The following BBS9 variants were observed in gnomAD, a reference collection of about 807,000 sequenced individuals.
BBS9 encodes Bardet-Biedl syndrome 9.
BBS9 carries 89 observed loss-of-function variants against 117.7 expected under a neutral mutation model. The ratio of observed to expected loss-of-function variants is 0.76; its 90% confidence interval spans 0.64 to 0.90. BBS9 has a LOEUF of 0.90. Ranked by LOEUF, BBS9 falls within the 40% of genes least tolerant of loss-of-function variation. The pLI is 0.00. For synonymous variants in BBS9, 379 were observed against 370.9 expected (o/e 1.02, Z -0.25); for missense variants, 982 against 1,042.2 (o/e 0.94, Z 0.80).
chr7:33,270,733 T>A (rs1486578247), intron 7 of BBS9, among the ~76,000 whole-genome samples: 1 of 152,166 alleles, frequency 6.6e-6, no homozygotes, highest in African/African-American at 2.4e-5. Flanking sequence ...ACTTTATGAC[T>A]CATTGGCATC....
At chr7:33,202,508 A>C (rs1786061920) in intron 5 of BBS9, among the ~76,000 whole-genome samples, 1 of 152,176 alleles carries the variant, frequency 6.6e-6, no homozygotes, top group Non-Finnish European at 1.5e-5. Context: ...TATAAAGAAA[A>C]GAGGTTTAAT....
intron 17 of BBS9, among the ~76,000 whole-genome samples, chr7:33,379,439 G>A (rs1824533217): frequency 6.6e-6 from 1 of 151,938 alleles, no homozygotes; most frequent in African/African-American, 2.4e-5. Context: ...TTTATTCTTT[G>A]TATATATTTA....
rs112891757 is a variant in BBS9, at chr7:33,574,706, C to T, written c.2522-30159C>T. 7.6e-3 allele frequency among the ~76,000 whole-genome samples: 963 copies of T among 127,056 alleles called. 14 individuals carry two copies. The highest frequency in any genetic ancestry group is 0.031 in the African/African-American group (790 of 25,556). The allele number at this position is 127,056 out of a possible 152,430, so 83.4% of individuals were successfully genotyped here. Reference sequence around the variant, plus strand: ...GAAAACACACACACACACACACACACACACACACACACACACACACGCGCA... The same window carrying T: ...GAAAACACACACACACACACACACATACACACACACACACACACACGCGCA... On this transcript the variant is annotated intron_variant, in intron 21 of 22. Coordinates refer to ENST00000242067, the MANE Select transcript of BBS9 (RefSeq NM_198428.3).
Position 33,533,776 on chromosome 7 carries a change from C to T in BBS9, c.2299-178C>T. On this transcript the variant is annotated intron_variant, in intron 20 of 22. Transcript: ENST00000242067. ...AGGAATTAAGTAACTTGCTCAAGGT[C>T]AAACAGGTGACAGAGCCAGAATTCC... The T allele has an allele frequency of 7.3e-6, 5 of 681,746 alleles. No individual in the cohort carries two copies. In the Middle Eastern group the frequency reaches 1.2e-3, roughly 168 times the overall value. The allele number at this position is 681,746 out of a possible 1,614,324, so 42.2% of individuals were successfully genotyped here.
intron 4 of BBS9, among the ~76,000 whole-genome samples, chr7:33,156,547 A>G (rs548752034): frequency 6.9e-4 from 105 of 152,314 alleles, no homozygotes; most frequent in African/African-American, 2.3e-3. Context: ...GTAATGATGC[A>G]TATTTACTGA....
intron 21 of BBS9, among the ~76,000 whole-genome samples, chr7:33,565,781 G>GTGTATATATA (rs1491174064): frequency 1.5e-5 from 1 of 65,670 alleles, no homozygotes; most frequent in Non-Finnish European, 3.1e-5. Context: ...GCTATCAGTA[G>GTGTATATATA]TATATATATA....
intron 4 of BBS9, among the ~76,000 whole-genome samples, chr7:33,160,035 C>T (rs767051038): frequency 5.3e-5 from 8 of 152,164 alleles, no homozygotes; most frequent in Non-Finnish European, 8.8e-5. Flanking sequence ...CCATGGCCAA[C>T]AAGAAGTGCC....
At chr7:33,248,412 A>T (rs1168524419) in intron 5 of BBS9, among the ~76,000 whole-genome samples, 3 of 152,208 alleles carry the variant, frequency 2.0e-5, no homozygotes, top group African/African-American at 4.8e-5. Context: ...GTAATAAGAA[A>T]GAAGCTAGCT....
chr7:33,422,918 A>G (rs1165971681), intron 19 of BBS9, among the ~76,000 whole-genome samples: 1 of 152,036 alleles, frequency 6.6e-6, no homozygotes, highest in Admixed American at 6.6e-5. Context: ...GCCTTAGTTT[A>G]TATATGAGCA....
Position 33,533,999 on chromosome 7 carries a change from A to C in BBS9, c.2344A>C (p.Thr782Pro). The change falls in exon 21 of 23, where the codon ACT (threonine) becomes CCT (proline). Residue 782 changes from threonine to proline, a missense_variant. Physicochemically the swap from Thr to Pro is conservative, Grantham distance 38. Coordinates refer to ENST00000242067, the MANE Select transcript of BBS9 (RefSeq NM_198428.3). The part of the protein sequence containing the change: ...VDAAISHLLK[T>P]CLSKSSKEQA... ...TGCCGCCATTTCCCACCTGTTGAAG[A>C]CTTGCCTGTCGAAGAGTTCTAAGGA... is the stretch of plus-strand genomic sequence containing the variant. 6.2e-7 allele frequency: 1 copy of C among 1,614,236 alleles called. No homozygotes were observed. Among genetic ancestry groups the C allele is most frequent in the Non-Finnish European group, 8.5e-7 (1 of 1,180,048 alleles).
chr7:33,403,211 T>C (rs908568510), intron 19 of BBS9, among the ~76,000 whole-genome samples: 5 of 151,900 alleles, frequency 3.3e-5, no homozygotes, highest in African/African-American at 1.2e-4. Context: ...GTGAACATGG[T>C]ACCCAGTAGG....
intron 19 of BBS9, among the ~76,000 whole-genome samples, chr7:33,492,086 C>T (rs1477782994): frequency 6.6e-6 from 1 of 150,788 alleles, no homozygotes; most frequent in Non-Finnish European, 1.5e-5. Flanking sequence ...GCCTATAATC[C>T]CAGCTACTCA....
intron 21 of BBS9, among the ~76,000 whole-genome samples, chr7:33,547,324 C>T (rs2598407): frequency 0.99 from 151,234 of 152,336 alleles, 75,075 homozygotes; most frequent in East Asian, 1. Flanking sequence ...ATTTCTTCTC[C>T]TTTTGTTTTT....
Position 33,262,898 on chromosome 7 carries a change from A to G in BBS9, c.618-1392A>G, listed in dbSNP as rs149807542. Among the ~76,000 whole-genome samples the G allele has an allele frequency of 1.7e-3, 259 of 152,236 alleles. 4 individuals are homozygous for G. Among genetic ancestry groups the G allele is most frequent in the Non-Finnish European group, 2.2e-3 (152 of 68,018 alleles). On this transcript the variant is annotated intron_variant, in intron 6 of 22. Coordinates refer to ENST00000242067, the MANE Select transcript of BBS9 (RefSeq NM_198428.3). ...TTTTCTCCCCCAATTACTTGTTACT[A>G]TTGGTACTACGTGCATACCTTCTGT...
chr7:33,581,280 G>T (rs183752536), intron 21 of BBS9, among the ~76,000 whole-genome samples: 1 of 152,218 alleles, frequency 6.6e-6, no homozygotes, highest in African/African-American at 2.4e-5. Context: ...AGCAGAGTAA[G>T]TTCTTCTCAC....
At chr7:33,450,865 T>G (rs897640023) in intron 19 of BBS9, among the ~76,000 whole-genome samples, 13 of 115,478 alleles carry the variant, frequency 1.1e-4, no homozygotes, top group Admixed American at 2.5e-4. Context: ...TGTTCAGAAG[T>G]TTTTTTTTTT....
intron 19 of BBS9, among the ~76,000 whole-genome samples, chr7:33,477,416 T>C (rs1217302377): frequency 6.6e-6 from 1 of 152,192 alleles, no homozygotes; most frequent in East Asian, 1.9e-4. Context: ...ACACTTCTTT[T>C]TTCCTTCTAG....
intron 20 of BBS9, among the ~76,000 whole-genome samples, chr7:33,522,540 G>A (rs576350588): frequency 2.9e-3 from 436 of 152,246 alleles, no homozygotes; most frequent in African/African-American, 9.3e-3. Context: ...CTGCATAAAC[G>A]TCTTCTTTTG....
At chr7:33,349,346 A>G (rs1050867049) in intron 13 of BBS9, 176 bp downstream of exon 13, 1 of 644,680 alleles carries the variant, frequency 1.6e-6, no homozygotes, top group East Asian at 3.1e-5. Context: ...TGAACGTTCA[A>G]TCAATGATTG....
Sources: allele counts gnomAD v4.1 joint callset (sites outside exome capture counted in the v4.1 genomes callset), GRCh38; gene constraint gnomAD v4.1.1; transcripts MANE v1.5; gene names NCBI Gene and HGNC (gene_info 2026-07-23, HGNC 2026-07-21).